PRKD1: variants seen among roughly 807,000 people sequenced by gnomAD.
PRKD1 encodes the protein protein kinase D1.
Under a neutral mutation model 95.9 loss-of-function variants are expected in PRKD1, and 63 were observed. That is an observed-to-expected ratio of 0.66 (90% confidence interval 0.54 to 0.81). The LOEUF is 0.81. Ranked by LOEUF, PRKD1 falls within the 30% of genes least tolerant of loss-of-function variation. The probability of loss-of-function intolerance (pLI) is 0.00; values close to 1 mark genes in which losing one functional copy is unlikely to be tolerated. For synonymous variants in PRKD1, 425 were observed against 423.1 expected, an observed-to-expected ratio of 1.00 and a Z score of -0.05; for missense variants, 1,048 against 1,165.3, an observed-to-expected ratio of 0.90 and a Z score of 1.47.
rs45508199 is a variant in PRKD1 at position 29,762,206 on chromosome 14, CTA to C, written c.265-36534_265-36533del. ...CTAGTTTTATAGTATAATCAGGACA[CTA>C]TGTGTGTAATGAAATCAAGCTCTAG... On this transcript the variant is annotated intron_variant, in intron 1 of 17. Coordinates refer to ENST00000331968, the MANE Select transcript of PRKD1 (RefSeq NM_002742.3). Among the ~76,000 whole-genome samples, 501 of 152,302 alleles carry C rather than the reference CTA, an allele frequency of 3.3e-3. 12 individuals are homozygous for C. The East Asian group carries it at 0.052, about 16-fold the overall frequency.
chr14:29,777,823 C>T (rs1296676229), intron 1 of PRKD1, among the ~76,000 whole-genome samples: 4 of 152,118 alleles, frequency 2.6e-5, no homozygotes, highest in Admixed American at 6.5e-5. Context: ...CTCTCCACCC[C>T]AAATCAACAG....
rs199654740 is a variant in PRKD1 at position 29,630,805 on chromosome 14, G to A, written c.1609C>T (p.Gln537Ter). ...GGAATGACGGGCATAAGGGCATGCT[G>A]GATGGCTATCTCCCACATCCTGGCC... ...DVARMWEIAI[Q>*]HALMPVIPKG... is the part of the protein sequence containing the mutation. Residue 537 changes from glutamine to a stop codon, truncating the protein, a stop_gained, in exon 10 of 18, where the codon CAG becomes TAG. Coordinates refer to ENST00000331968, the MANE Select transcript of PRKD1 (RefSeq NM_002742.3). LOFTEE classifies it high-confidence loss of function. 4 of 1,614,098 alleles carry A rather than the reference G, an allele frequency of 2.5e-6. No individual in the cohort carries two copies. Among genetic ancestry groups the A allele is most frequent in the Non-Finnish European group, 3.4e-6 (4 of 1,179,984 alleles).
At chr14:29,688,826 G>A (rs1884037955) in intron 2 of PRKD1, among the ~76,000 whole-genome samples, 1 of 151,632 alleles carries the variant, frequency 6.6e-6, no homozygotes, top group Admixed American at 6.6e-5. Context: ...CCAGCTACTT[G>A]AGAGGCTGAG....
intron 13 of PRKD1, among the ~76,000 whole-genome samples, chr14:29,603,475 T>C (rs1253200685): frequency 6.6e-6 from 1 of 152,194 alleles, no homozygotes; most frequent in Non-Finnish European, 1.5e-5. Flanking sequence ...AATATGCCGT[T>C]AGCCTAGAGA....
At chr14:29,755,565 C>T (rs1887659996) in intron 1 of PRKD1, among the ~76,000 whole-genome samples, 1 of 152,124 alleles carries the variant, frequency 6.6e-6, no homozygotes, top group African/African-American at 2.4e-5. Flanking sequence ...AAGATAGTCC[C>T]TCAAGAGACA....
At chr14:29,918,783 AT>A (rs1221886580) in intron 1 of PRKD1, among the ~76,000 whole-genome samples, 1 of 152,222 alleles carries the variant, frequency 6.6e-6, no homozygotes, top group African/African-American at 2.4e-5. Flanking sequence ...GGATATTTAC[AT>A]AACTGCAAAT....
intron 1 of PRKD1, among the ~76,000 whole-genome samples, chr14:29,884,300 T>C (rs1213494565): frequency 3.3e-5 from 5 of 152,096 alleles, no homozygotes; most frequent in African/African-American, 1.2e-4. Context: ...AAATTGAAAA[T>C]TGGGCTAAAA....
intron 1 of PRKD1, among the ~76,000 whole-genome samples, chr14:29,770,803 C>CA (rs751264303): frequency 4.6e-5 from 7 of 151,540 alleles, no homozygotes; most frequent in Non-Finnish European, 5.9e-5. Flanking sequence ...CTTGTCTCTA[C>CA]AAAATATAAC....
intron 13 of PRKD1, among the ~76,000 whole-genome samples, chr14:29,622,363 T>C (rs1879323039): frequency 8.9e-6 from 1 of 112,160 alleles, no homozygotes; most frequent in African/African-American, 3.2e-5. Context: ...AGGTGTATTT[T>C]TCTCCCTTCC....
At chr14:29,875,257 A>G (rs1312118116) in intron 1 of PRKD1, among the ~76,000 whole-genome samples, 1 of 152,152 alleles carries the variant, frequency 6.6e-6, no homozygotes, top group Non-Finnish European at 1.5e-5. Flanking sequence ...ACGGGGAAGT[A>G]CACAAAAGCC....
intron 1 of PRKD1, among the ~76,000 whole-genome samples, chr14:29,878,122 T>C (rs1893368172): frequency 6.6e-6 from 1 of 151,914 alleles, no homozygotes; most frequent in East Asian, 1.9e-4. Flanking sequence ...CACAAACAGA[T>C]GAACAACAGA....
At chr14:29,791,372 A>C (rs1889537103) in intron 1 of PRKD1, among the ~76,000 whole-genome samples, 1 of 152,166 alleles carries the variant, frequency 6.6e-6, no homozygotes, top group Non-Finnish European at 1.5e-5. Flanking sequence ...CAATTTGATA[A>C]ACTTTGTCAT....
At chr14:29,723,488 G>C (rs972782586) in intron 2 of PRKD1, among the ~76,000 whole-genome samples, 1 of 152,164 alleles carries the variant, frequency 6.6e-6, no homozygotes, top group African/African-American at 2.4e-5. Flanking sequence ...AAAGAGATAA[G>C]AGATATGGGT....
chr14:29,847,467 G>T (rs1892125569), intron 1 of PRKD1, among the ~76,000 whole-genome samples: 1 of 152,020 alleles, frequency 6.6e-6, no homozygotes, highest in Non-Finnish European at 1.5e-5. Flanking sequence ...TCACAAGCAG[G>T]TAGGAAAGGA....
intron 1 of PRKD1, among the ~76,000 whole-genome samples, chr14:29,825,410 G>A (rs368959357): frequency 7.8e-4 from 119 of 152,228 alleles, no homozygotes; most frequent in African/African-American, 2.7e-3. Flanking sequence ...ATGTGTGTGT[G>A]TGTACATGTA....
At chr14:29,741,692 A>T (rs1594475712) in intron 1 of PRKD1, among the ~76,000 whole-genome samples, 1 of 152,174 alleles carries the variant, frequency 6.6e-6, no homozygotes, top group East Asian at 1.9e-4. Flanking sequence ...ATACAGCTCC[A>T]CATGATTTCT....
intron 17 of PRKD1, 25 bp downstream of exon 17, chr14:29,578,250 A>T (rs1205379507): frequency 6.6e-7 from 1 of 1,521,492 alleles, no homozygotes; most frequent in African/African-American, 1.4e-5. Context: ...CATTCAACTA[A>T]GAAAACTCAG....
At chr14:29,805,113 C>CA (rs1890183347) in intron 1 of PRKD1, among the ~76,000 whole-genome samples, 1 of 152,182 alleles carries the variant, frequency 6.6e-6, no homozygotes, top group Non-Finnish European at 1.5e-5. Flanking sequence ...TATAGATTAT[C>CA]ATACAGTTGG....
intron 1 of PRKD1, among the ~76,000 whole-genome samples, chr14:29,902,887 T>G (rs1370776311): frequency 1.3e-5 from 2 of 152,146 alleles, no homozygotes; most frequent in East Asian, 3.8e-4. Context: ...ACATAACGAC[T>G]GTTAGAATTT....
Sources: gnomAD v4.1 joint callset for allele counts (sites outside exome capture counted in the v4.1 genomes callset) on GRCh38, gnomAD v4.1.1 for gene constraint, MANE v1.5 for transcripts, NCBI Gene and HGNC (gene_info 2026-07-23, HGNC 2026-07-21) for gene names.